The following NWD2 variants were observed in gnomAD, a reference collection of about 807,000 sequenced individuals.
NWD2 encodes NACHT and WD repeat domain-containing protein 2.
In NWD2, 37 loss-of-function variants were observed where a neutral mutation model predicts 132.7. The ratio of observed to expected loss-of-function variants is 0.28; its 90% CI spans 0.21 to 0.37. The LOEUF (loss-of-function observed/expected upper bound fraction) is 0.37. Ranked by LOEUF, NWD2 falls within the 10% of genes least tolerant of loss-of-function variation. NWD2 has a pLI of 1.00. For synonymous variants in NWD2, 705 were observed against 803.0 expected (o/e 0.88, Z 2.06); for missense variants, 1,592 against 2,122.4 (o/e 0.75, Z 4.91).
At chr4:37,351,730 G>C (rs114364191) in intron 2 of NWD2, among the ~76,000 whole-genome samples, 1 of 151,884 alleles carries the variant, frequency 6.6e-6, no homozygotes, top group African/African-American at 2.4e-5. Context: ...TTTAGAATTC[G>C]TTTGCTCTTC....
At chr4:37,334,125 T>C (rs1048478372) in intron 2 of NWD2, among the ~76,000 whole-genome samples, 1 of 152,168 alleles carries the variant, frequency 6.6e-6, no homozygotes, top group African/African-American at 2.4e-5. Flanking sequence ...TAGAGTGGGC[T>C]AGAAAGTGTA....
chr4:37,311,980 T>C (rs1718853054), intron 1 of NWD2, among the ~76,000 whole-genome samples: 1 of 151,090 alleles, frequency 6.6e-6, no homozygotes, highest in African/African-American at 2.5e-5. Flanking sequence ...TCTGTTCCAT[T>C]GATCTATATC....
At chr4:37,407,715 A>C (rs1408322590) in intron 3 of NWD2, among the ~76,000 whole-genome samples, 2 of 152,234 alleles carry the variant, frequency 1.3e-5, no homozygotes, top group East Asian at 3.8e-4. Context: ...GTGTGGAGTT[A>C]AATTAAGAAA....
rs187257077 is a variant in NWD2 at position 37,284,934 on chromosome 4, A to G, written c.151+39716A>G. Among the ~76,000 whole-genome samples, 23 of 152,264 alleles carry G rather than the reference A, an allele frequency of 1.5e-4. No homozygotes were observed. The East Asian group carries it at 3.1e-3, about 21-fold the overall frequency. ...GTACTTGGCCTACCTGCCTTCAGGG[A>G]TGACACCCTCGGTATTTGTTTTACC... On this transcript the variant is annotated intron_variant, in intron 1 of 6. Coordinates refer to ENST00000309447, the MANE Select transcript of NWD2 (RefSeq NM_001144990.2).
chr4:37,301,409 G>A (rs540605282), intron 1 of NWD2, among the ~76,000 whole-genome samples: 2 of 152,026 alleles, frequency 1.3e-5, no homozygotes, highest in African/African-American at 4.8e-5. Flanking sequence ...TTCAAATACT[G>A]CCTCTACTTT....
intron 1 of NWD2, among the ~76,000 whole-genome samples, chr4:37,266,745 T>C (rs1717759910): frequency 6.6e-6 from 1 of 152,082 alleles, no homozygotes; most frequent in South Asian, 2.1e-4. Flanking sequence ...GCCTTTATTT[T>C]GTCCTGTTTT....
intron 2 of NWD2, among the ~76,000 whole-genome samples, chr4:37,355,662 C>A (rs772122793): frequency 1.3e-5 from 2 of 152,220 alleles, no homozygotes; most frequent in Non-Finnish European, 2.9e-5. Flanking sequence ...CTCTCCATAG[C>A]ACTTTTCAAA....
chr4:37,440,660 C>A (rs530113492), intron 6 of NWD2, among the ~76,000 whole-genome samples: 4 of 152,284 alleles, frequency 2.6e-5, no homozygotes, highest in African/African-American at 9.6e-5. Flanking sequence ...CCTCTCCAGT[C>A]TTCTTTTTCA....
intron 2 of NWD2, among the ~76,000 whole-genome samples, chr4:37,332,778 C>T (rs998448269): frequency 6.6e-5 from 10 of 152,144 alleles, no homozygotes; most frequent in African/African-American, 1.9e-4. Flanking sequence ...GAGCACCAAG[C>T]GGGCTCTTGG....
rs568395816 is a variant in NWD2 at position 37,379,843 on chromosome 4, C to T, written c.357+23361C>T. Among the ~76,000 whole-genome samples the T allele has an allele frequency of 3.3e-5, 5 of 152,292 alleles. No homozygotes were observed. In the East Asian group the frequency reaches 9.7e-4, roughly 29 times the overall value. ...TACCTGTACCTATTTCCATCCCACC[C>T]GCAGAGGCCCTAAATGGCTCCATAG... On this transcript the variant is annotated intron_variant, in intron 3 of 6. Transcript: ENST00000309447.
intron 1 of NWD2, among the ~76,000 whole-genome samples, chr4:37,265,423 G>T (rs1455097209): frequency 6.6e-6 from 1 of 152,102 alleles, no homozygotes; most frequent in East Asian, 1.9e-4. Context: ...TAACAAGCTA[G>T]CACAAAGTTA....
chr4:37,287,950 T>C (rs1020379312), intron 1 of NWD2, among the ~76,000 whole-genome samples: 1 of 152,176 alleles, frequency 6.6e-6, no homozygotes, highest in Non-Finnish European at 1.5e-5. Flanking sequence ...GAAAATGCGG[T>C]ACATATAGAC....
chr4:37,440,621 A>G (rs1195187217), intron 6 of NWD2, among the ~76,000 whole-genome samples: 1 of 152,124 alleles, frequency 6.6e-6, no homozygotes, highest in African/African-American at 2.4e-5. Flanking sequence ...AACAACCCGC[A>G]GCACCCTGAT....
chr4:37,329,508 G>A (rs1438846536), intron 2 of NWD2, among the ~76,000 whole-genome samples: 1 of 152,058 alleles, frequency 6.6e-6, no homozygotes, highest in Non-Finnish European at 1.5e-5. Flanking sequence ...AGGAATCCAG[G>A]CATAGGGAAC....
intron 3 of NWD2, among the ~76,000 whole-genome samples, chr4:37,374,782 T>G (rs1479581434): frequency 6.6e-6 from 1 of 152,236 alleles, no homozygotes; most frequent in Admixed American, 6.5e-5. Flanking sequence ...ATACTAATAC[T>G]TAGCACTGAC....
chr4:37,446,141 C>T lies in NWD2; in HGVS notation c.4153C>T (p.His1385Tyr). ...SDDKSSQYVWHTSSGENLFRI... is the reference protein window; with the variant it reads ...SDDKSSQYVWYTSSGENLFRI... Reference sequence around the variant, plus strand: ...TGACAAAAGCAGCCAGTATGTCTGGCACACCAGCAGTGGTGAAAACCTTTT... The same window carrying T: ...TGACAAAAGCAGCCAGTATGTCTGGTACACCAGCAGTGGTGAAAACCTTTT... The change falls in exon 7 of 7, where the codon CAC (histidine) becomes TAC (tyrosine). Residue 1385 changes from histidine (H) to tyrosine (Y), a missense_variant. His to Tyr is a moderately conservative substitution (Grantham distance 83, BLOSUM62 2). Coordinates refer to ENST00000309447, the MANE Select transcript of NWD2 (RefSeq NM_001144990.2). This position sits in a 1 kb window ranked among gnomAD's most constrained non-coding sequence, Gnocchi z 6.7. The T allele has an allele frequency of 6.4e-7, 1 of 1,551,738 alleles. No homozygotes were observed. Among genetic ancestry groups the T allele is most frequent in the Non-Finnish European group, 8.7e-7 (1 of 1,147,000 alleles).
At chr4:37,398,588 A>G (rs78089782) in intron 3 of NWD2, among the ~76,000 whole-genome samples, 2,022 of 152,302 alleles carry the variant, frequency 0.013, 21 homozygotes, top group Non-Finnish European at 0.02. Flanking sequence ...TTCAAATCCC[A>G]GAAGTCTGCA....
intron 1 of NWD2, among the ~76,000 whole-genome samples, chr4:37,290,260 G>A (rs976880173): frequency 7.2e-5 from 11 of 152,278 alleles, no homozygotes; most frequent in South Asian, 6.2e-4. Context: ...AGAAGCACCA[G>A]TAAGGGAGAC....
intron 1 of NWD2, among the ~76,000 whole-genome samples, chr4:37,255,230 A>G (rs537115262): frequency 2.5e-4 from 38 of 152,370 alleles, no homozygotes; most frequent in African/African-American, 8.4e-4. Flanking sequence ...GGATGTTTAC[A>G]TTCAAAGGCT....
Sources: allele counts gnomAD v4.1 joint callset (sites outside exome capture counted in the v4.1 genomes callset), GRCh38; gene constraint gnomAD v4.1.1; non-coding constraint Gnocchi (gnomAD v3.1); transcripts MANE v1.5; gene names NCBI Gene and HGNC (gene_info 2026-07-23, HGNC 2026-07-21).